Variants in LGSN observed in about 807,000 individuals in gnomAD.
The protein encoded by LGSN is lengsin.
Under a neutral mutation model 19.5 loss-of-function variants are expected in LGSN, and 21 were observed. That is an observed-to-expected ratio of 1.07 (90% CI 0.76 to 1.55). The LOEUF (loss-of-function observed/expected upper bound fraction) is 1.55. Among genes scored for constraint, LGSN ranks in the 40% most tolerant of loss-of-function variants. The pLI is 0.00. For synonymous variants in LGSN, 257 were observed against 215.6 expected (o/e 1.19, Z -1.68); for missense variants, 673 against 608.5 (o/e 1.11, Z -1.12).
chr6:63,504,308 C>G, the LGSN span, among the ~76,000 whole-genome samples: 10 of 151,424 alleles, frequency 6.6e-5, no homozygotes, highest in Non-Finnish European at 1.5e-4. Flanking sequence ...GTGGTGCAAT[C>G]TCGGCTCACT....
the LGSN span, among the ~76,000 whole-genome samples, chr6:63,372,705 T>C: frequency 2.6e-5 from 4 of 152,122 alleles, no homozygotes; most frequent in Non-Finnish European, 5.9e-5. Context: ...AAAGTCCTTA[T>C]CCTATAATGT....
chr6:63,399,239 C>T, the LGSN span, among the ~76,000 whole-genome samples: 4 of 152,008 alleles, frequency 2.6e-5, no homozygotes, highest in Non-Finnish European at 4.4e-5. Context: ...TTTGTAGCCT[C>T]GGAGCAATAG....
chr6:63,442,714 A>G, the LGSN span, among the ~76,000 whole-genome samples: 1 of 152,042 alleles, frequency 6.6e-6, no homozygotes, highest in Admixed American at 6.6e-5. Flanking sequence ...CTGCATTTAC[A>G]ATCCTTTAGC....
chr6:63,348,192 C>T, the LGSN span, among the ~76,000 whole-genome samples: 4,955 of 152,172 alleles, frequency 0.033, 267 homozygotes, highest in African/African-American at 0.11. Context: ...AAAGAACAGA[C>T]TAATATAAAA....
the LGSN span, among the ~76,000 whole-genome samples, chr6:63,473,831 G>GA: frequency 6.8e-6 from 1 of 147,668 alleles, no homozygotes; most frequent in African/African-American, 2.5e-5. Context: ...TCTCTGTCTA[G>GA]AAAATTGTCC....
the LGSN span, among the ~76,000 whole-genome samples, chr6:63,513,202 C>A: frequency 2.6e-5 from 4 of 152,244 alleles, no homozygotes; most frequent in South Asian, 8.3e-4. Context: ...TACTTTCAAA[C>A]GAGAAAGAAA....
chr6:63,491,290 TG>T, the LGSN span, among the ~76,000 whole-genome samples: 2 of 152,292 alleles, frequency 1.3e-5, no homozygotes, highest in South Asian at 4.1e-4. Context: ...CAATGCTTTT[TG>T]CTTGGAAGAC....
the LGSN span, among the ~76,000 whole-genome samples, chr6:63,335,344 C>T: frequency 9.2e-5 from 14 of 152,172 alleles, 1 homozygote; most frequent in African/African-American, 3.4e-4. Context: ...AGGAAAAACT[C>T]TTCAAGACAT....
the LGSN span, among the ~76,000 whole-genome samples, chr6:63,475,272 A>G: frequency 6.9e-6 from 1 of 145,184 alleles, no homozygotes; most frequent in South Asian, 2.2e-4. Context: ...TGTTGCAGTG[A>G]CTTTTGGGTT....
chr6:63,443,538 G>GGTCT, the LGSN span: 34 of 803,662 alleles, frequency 4.2e-5, no homozygotes, highest in East Asian at 2.9e-3. Context: ...TGTGGTCCAG[G>GGTCT]GTCTGCACCA....
At chr6:63,294,747 G>A (rs774863211) in intron 2 of LGSN, among the ~76,000 whole-genome samples, 166 bp downstream of exon 2, 11 of 150,570 alleles carry the variant, frequency 7.3e-5, no homozygotes, top group Non-Finnish European at 8.9e-5. Flanking sequence ...ATATATTTAC[G>A]TTGTAAGCTT....
At chr6:63,336,487 C>T in the LGSN span, among the ~76,000 whole-genome samples, 1 of 147,480 alleles carries the variant, frequency 6.8e-6, no homozygotes, top group Non-Finnish European at 1.5e-5. Flanking sequence ...AATTGTAATA[C>T]AATTTATAAG....
At chr6:63,417,300 A>G in the LGSN span, among the ~76,000 whole-genome samples, 1 of 151,890 alleles carries the variant, frequency 6.6e-6, no homozygotes, top group African/African-American at 2.4e-5. Flanking sequence ...GGCTCATCAC[A>G]CCCATACCCC....
chr6:63,413,587 G>C, the LGSN span, among the ~76,000 whole-genome samples: 1 of 152,086 alleles, frequency 6.6e-6, no homozygotes, highest in East Asian at 1.9e-4. Context: ...GTAGTTCTGT[G>C]ACCTTAGGCA....
the LGSN span, among the ~76,000 whole-genome samples, chr6:63,426,385 C>A: frequency 3.9e-5 from 6 of 152,178 alleles, no homozygotes; most frequent in African/African-American, 1.2e-4. Context: ...AACTATGCAA[C>A]CCTCAACTAC....
At chr6:63,479,393 C>CT in the LGSN span, among the ~76,000 whole-genome samples, 237 of 147,132 alleles carry the variant, frequency 1.6e-3, no homozygotes, top group African/African-American at 5.4e-3. Flanking sequence ...GTAACAACTT[C>CT]TTTTTTTTTT....
At chr6:63,557,348 C>T in the LGSN span, among the ~76,000 whole-genome samples, 1 of 152,032 alleles carries the variant, frequency 6.6e-6, no homozygotes, top group Non-Finnish European at 1.5e-5. Context: ...GGTGGATCAC[C>T]TGAGGTCAGG....
the LGSN span, among the ~76,000 whole-genome samples, chr6:63,439,210 G>C: frequency 6.6e-6 from 1 of 152,200 alleles, no homozygotes; most frequent in African/African-American, 2.4e-5. Flanking sequence ...GTTGTGGGGT[G>C]GGGGCAGTGG....
At chr6:63,391,080 C>T in the LGSN span, among the ~76,000 whole-genome samples, 1 of 152,102 alleles carries the variant, frequency 6.6e-6, no homozygotes, top group Non-Finnish European at 1.5e-5. Flanking sequence ...ATTATCAGAT[C>T]TCAAATAGCT....
Sources: allele counts gnomAD v4.1 joint callset (sites outside exome capture counted in the v4.1 genomes callset), GRCh38; gene constraint gnomAD v4.1.1; transcripts MANE v1.5; gene names NCBI Gene and HGNC (gene_info 2026-07-23, HGNC 2026-07-21).